Variants in SAXO1 observed in about 807,000 individuals in gnomAD.
SAXO1 encodes stabilizer of axonemal microtubules 1, also known as 4930500O09Rik.
A neutral mutation model predicts 17.5 loss-of-function variants in SAXO1; 21 were observed. The ratio of observed to expected loss-of-function variants is 1.20; its 90% CI spans 0.85 to 1.72. The LOEUF (loss-of-function observed/expected upper bound fraction) is 1.72. Among genes scored for constraint, SAXO1 ranks in the 40% most tolerant of loss-of-function variants. SAXO1 has a pLI of 0.00. For synonymous variants in SAXO1, 274 were observed against 216.5 expected, an observed-to-expected ratio of 1.27 and a Z score of -2.33; for missense variants, 843 against 596.0, an observed-to-expected ratio of 1.41 and a Z score of -4.32.
intron 1 of SAXO1, chr9:19,027,308 A>G: frequency 2.4e-6 from 2 of 828,394 alleles, no homozygotes; most frequent in South Asian, 2.6e-5. Flanking sequence ...GTGTGAACAA[A>G]GACTCCTATC....
At chr9:18,956,912 G>A (rs560992912) in intron 1 of SAXO1, among the ~76,000 whole-genome samples, 98 of 152,320 alleles carry the variant, frequency 6.4e-4, no homozygotes, top group African/African-American at 2.1e-3. Flanking sequence ...CTATGAAGAT[G>A]TTATCCTCCT....
chr9:18,992,195 G>T (rs1299739700), intron 1 of SAXO1, among the ~76,000 whole-genome samples: 1 of 152,188 alleles, frequency 6.6e-6, no homozygotes, highest in Non-Finnish European at 1.5e-5. Flanking sequence ...CAGAAACTGA[G>T]TGGTTGAACC....
intron 1 of SAXO1, among the ~76,000 whole-genome samples, chr9:19,048,415 C>G (rs1391047270): frequency 6.6e-6 from 1 of 152,104 alleles, no homozygotes; most frequent in Admixed American, 6.5e-5. Flanking sequence ...TGAGATCGCG[C>G]CACTGCACTC....
At chr9:19,022,352 C>A (rs978446060) in intron 1 of SAXO1, among the ~76,000 whole-genome samples, 5 of 152,236 alleles carry the variant, frequency 3.3e-5, no homozygotes, top group African/African-American at 1.2e-4. Flanking sequence ...CGGCTTCATT[C>A]TTGAAGTGAG....
intron 1 of SAXO1, among the ~76,000 whole-genome samples, chr9:18,976,608 T>C (rs1430576604): frequency 6.7e-6 from 1 of 149,710 alleles, no homozygotes; most frequent in Non-Finnish European, 1.5e-5. Context: ...TAAAGTGTCT[T>C]TGATTGTAAC....
chr9:19,003,536 C>T (rs1385444052), intron 1 of SAXO1, among the ~76,000 whole-genome samples: 1 of 152,056 alleles, frequency 6.6e-6, no homozygotes, highest in Non-Finnish European at 1.5e-5. Flanking sequence ...GTACTTGTAC[C>T]AAAACAGACA....
intron 1 of SAXO1, among the ~76,000 whole-genome samples, chr9:18,971,341 A>G (rs1175235139): frequency 6.6e-6 from 1 of 152,162 alleles, no homozygotes. Context: ...ACAGATAACC[A>G]AAATCTCAAC....
At chr9:18,939,518 G>A (rs575387917) in intron 3 of SAXO1, among the ~76,000 whole-genome samples, 2 of 152,366 alleles carry the variant, frequency 1.3e-5, no homozygotes, top group South Asian at 4.1e-4. Context: ...GAAGGGCTCA[G>A]AATGTGATCT....
At chr9:18,951,119 G>T (rs891310665) in intron 1 of SAXO1, among the ~76,000 whole-genome samples, 182 bp from the exon 2 acceptor site, 7 of 152,270 alleles carry the variant, frequency 4.6e-5, no homozygotes, top group Middle Eastern at 6.8e-3. Context: ...TATAAAGGTG[G>T]TCTGTAACTA....
intron 1 of SAXO1, among the ~76,000 whole-genome samples, chr9:18,983,783 C>A (rs1440377599): frequency 6.6e-6 from 1 of 152,158 alleles, no homozygotes; most frequent in Non-Finnish European, 1.5e-5. Context: ...GATATTTTCA[C>A]CCCACTCCCA....
intron 1 of SAXO1, among the ~76,000 whole-genome samples, chr9:18,969,058 GT>G (rs4007662): frequency 0.03 from 4,438 of 147,450 alleles, 86 homozygotes; most frequent in Middle Eastern, 0.079. Flanking sequence ...TCTTTTTGCA[GT>G]TTTTTTTTTT....
At chr9:19,040,515 G>A (rs1188562834) in intron 1 of SAXO1, among the ~76,000 whole-genome samples, 3 of 151,878 alleles carry the variant, frequency 2.0e-5, no homozygotes, top group East Asian at 1.9e-4. Flanking sequence ...ATAGTGGCAC[G>A]CACCTGTAAT....
rs73427277 is a variant in SAXO1, at chr9:18,955,608, T to C, written c.39-4671A>G. Among the ~76,000 whole-genome samples, 1,489 of 152,356 alleles carry C rather than the reference T, an allele frequency of 9.8e-3. 26 individuals are homozygous for C. The highest frequency in any genetic ancestry group is 0.033 in the African/African-American group (1,389 of 41,584). ...TCTTTCTTAGGCTTTCTCTGACCTGTCTTCATATGGCATAATCAGAGGCAC... is the reference window on the plus strand; with the variant it reads ...TCTTTCTTAGGCTTTCTCTGACCTGCCTTCATATGGCATAATCAGAGGCAC... On this transcript the variant is annotated intron_variant, in intron 1 of 3. Transcript: ENST00000380534.
chr9:19,028,813 A>T (rs988250391), intron 1 of SAXO1, among the ~76,000 whole-genome samples: 2 of 152,198 alleles, frequency 1.3e-5, no homozygotes, highest in Non-Finnish European at 2.9e-5. Flanking sequence ...TGGAATCTTT[A>T]AATTTAGACA....
At chr9:18,978,045 A>G (rs904818655) in intron 1 of SAXO1, among the ~76,000 whole-genome samples, 1 of 150,608 alleles carries the variant, frequency 6.6e-6, no homozygotes, top group East Asian at 2.0e-4. Context: ...ATTGTTCCAG[A>G]GTCGGGTGGA....
chr9:18,927,924 G>A lies in SAXO1; in HGVS notation c.*128C>T, dbSNP rs1830832413. The A allele has an allele frequency of 3.0e-6, 3 of 1,006,060 alleles. No homozygotes were observed. Among genetic ancestry groups the A allele is most frequent in the Non-Finnish European group, 4.3e-6 (3 of 695,392 alleles). 62.3% of individuals were successfully genotyped at this position (1,006,060 alleles called of 1,614,324 possible). On this transcript the variant is annotated 3_prime_UTR_variant, in exon 4 of 4. Transcript: ENST00000380534. The stretch of plus-strand genomic sequence containing the variant: ...GATTCTCATTTTATTCAAGTGCTCT[G>A]GAAGTGGTGAAGGTTTTTTGTTTTT...
At chr9:18,959,465 G>A (rs1358141908) in intron 1 of SAXO1, among the ~76,000 whole-genome samples, 5 of 152,102 alleles carry the variant, frequency 3.3e-5, no homozygotes, top group African/African-American at 9.7e-5. Context: ...GAGAGTGCAC[G>A]AGGCAGGACT....
intron 3 of SAXO1, among the ~76,000 whole-genome samples, 187 bp downstream of exon 3, chr9:18,941,450 T>C (rs1554668272): frequency 6.6e-6 from 1 of 151,456 alleles, no homozygotes; most frequent in South Asian, 2.1e-4. Context: ...TTTCAATTAT[T>C]AAAAAAAAAT....
chr9:18,957,321 G>A (rs1015775167), intron 1 of SAXO1, among the ~76,000 whole-genome samples: 8 of 152,164 alleles, frequency 5.3e-5, no homozygotes, highest in Admixed American at 1.3e-4. Context: ...AAAATGGAAC[G>A]CTAGATGTAG....
Sources: gnomAD v4.1 joint callset for allele counts (sites outside exome capture counted in the v4.1 genomes callset) on GRCh38, gnomAD v4.1.1 for gene constraint, MANE v1.5 for transcripts, NCBI Gene and HGNC (gene_info 2026-07-23, HGNC 2026-07-21) for gene names.